The following WNT9B variants were observed in gnomAD, a reference collection of about 807,000 sequenced individuals.
WNT9B encodes the protein Wnt family member 9B.
A neutral mutation model predicts 30.2 loss-of-function variants in WNT9B; 12 were observed. The observed-to-expected ratio is 0.40, with a 90% confidence interval of 0.26 to 0.64. The LOEUF (loss-of-function observed/expected upper bound fraction) is 0.64, where lower values mean the gene tolerates loss of function less well. WNT9B is among the 30% of genes least tolerant of loss of function. WNT9B has a pLI of 0.42. For synonymous variants in WNT9B, 218 were observed against 216.9 expected, an observed-to-expected ratio of 1.01 and a Z score of -0.05; for missense variants, 442 against 485.2, an observed-to-expected ratio of 0.91 and a Z score of 0.84.
In WNT9B at chr17:46,878,367, A is replaced by G. The variant is rs2085377691; in HGVS notation, c.*1649A>G. On this transcript the variant is annotated 3_prime_UTR_variant, in exon 4 of 4. Coordinates refer to ENST00000290015, the MANE Select transcript of WNT9B (RefSeq NM_003396.3). ...AGGCCCGCTGACTGTGCCCTGGCCA[A>G]CTCCCTGAGACCTCCAAGGGCGAGG... is the stretch of plus-strand genomic sequence containing the variant. 6.6e-6 allele frequency among the ~76,000 whole-genome samples: 1 copy of G among 151,984 alleles called. No individual in the cohort carries two copies. Among genetic ancestry groups the G allele is most frequent in the Non-Finnish European group, 1.5e-5 (1 of 68,000 alleles).
chr17:46,884,248 C>G (rs982486665), downstream of WNT9B, among the ~76,000 whole-genome samples: 43 of 152,214 alleles, frequency 2.8e-4, no homozygotes, highest in Admixed American at 9.8e-4. Flanking sequence ...TCACCTGACG[C>G]TGACACATTT....
At chr17:46,835,179 T>A (rs541009968) in intron 1 of WNT9B, among the ~76,000 whole-genome samples, 2 of 152,130 alleles carry the variant, frequency 1.3e-5, no homozygotes, top group African/African-American at 4.8e-5. Context: ...TTATTTTTAG[T>A]AGACAGATGA....
At chr17:46,862,163 CAAAAAAAAA>C (rs111407961) in intron 1 of WNT9B, among the ~76,000 whole-genome samples, 1 of 80,336 alleles carries the variant, frequency 1.2e-5, no homozygotes, top group African/African-American at 3.5e-5. Flanking sequence ...AACTCCGTCT[CAAAAAAAAA>C]AAAAAAAGAA....
At chr17:46,880,741 G>T (rs1384465255), downstream of WNT9B, among the ~76,000 whole-genome samples, 1 of 152,110 alleles carries the variant, frequency 6.6e-6, no homozygotes, top group Non-Finnish European at 1.5e-5. Flanking sequence ...TCTGTACACT[G>T]GTATAGGTCG....
intron 1 of WNT9B, among the ~76,000 whole-genome samples, chr17:46,856,321 T>A (rs1418338928): frequency 1.3e-5 from 2 of 152,140 alleles, no homozygotes; most frequent in African/African-American, 2.4e-5. Flanking sequence ...CTGGCACATA[T>A]GTGCTAAGTG....
intron 1 of WNT9B, among the ~76,000 whole-genome samples, chr17:46,852,691 C>T (rs1019754020): frequency 2.0e-5 from 3 of 152,102 alleles, no homozygotes; most frequent in African/African-American, 7.2e-5. Flanking sequence ...TATGTACAGC[C>T]TGTTACTTTA....
At chr17:46,869,137 C>T (rs998174979) in intron 1 of WNT9B, among the ~76,000 whole-genome samples, 1 of 152,128 alleles carries the variant, frequency 6.6e-6, no homozygotes, top group African/African-American at 2.4e-5. Flanking sequence ...GACCAGGGCC[C>T]GGTGTGGCCT....
Position 46,876,926 on chromosome 17 carries a change from C to T in WNT9B, c.*208C>T. The stretch of plus-strand genomic sequence containing the variant: ...CAACAAAGAGAAGCAAAGCCTCCTC[C>T]CTTAACCCAAGCATCCCCAACCTTG... On this transcript the variant is annotated 3_prime_UTR_variant, in exon 4 of 4. Coordinates refer to ENST00000290015, the MANE Select transcript of WNT9B (RefSeq NM_003396.3). The T allele has an allele frequency of 7.4e-7, 1 of 1,345,010 alleles. No homozygotes were observed. 83.3% of individuals were successfully genotyped at this position (1,345,010 alleles called of 1,614,324 possible).
chr17:46,882,879 A>G (rs146036766), downstream of WNT9B, among the ~76,000 whole-genome samples: 9 of 152,236 alleles, frequency 5.9e-5, no homozygotes, highest in African/African-American at 1.9e-4. Flanking sequence ...CAGCACTCCA[A>G]TAGGTGGCTC....
chr17:46,880,533 C>T lies in WNT9B; in HGVS notation c.*3815C>T, dbSNP rs973957913. Among the ~76,000 whole-genome samples the T allele has an allele frequency of 1.3e-5, 2 of 152,196 alleles. No homozygotes were observed. Among genetic ancestry groups the T allele is most frequent in the Non-Finnish European group, 2.9e-5 (2 of 68,038 alleles). On this transcript the variant is annotated 3_prime_UTR_variant, in exon 4 of 4. Transcript: ENST00000290015. ...CCTAGTGGGTGAGAAAGACAATAAA[C>T]CAATAAATGACATGCCAGTTATTTG...
intron 1 of WNT9B, among the ~76,000 whole-genome samples, chr17:46,871,543 G>T (rs959747214): frequency 2.0e-5 from 3 of 152,162 alleles, no homozygotes; most frequent in Middle Eastern, 3.2e-3. Flanking sequence ...AGTTTGGGAA[G>T]CTCCAGCTAG....
intron 1 of WNT9B, among the ~76,000 whole-genome samples, chr17:46,842,941 C>T (rs972963833): frequency 3.9e-5 from 6 of 152,242 alleles, no homozygotes; most frequent in Admixed American, 2.0e-4. Context: ...ATGAAGAAAC[C>T]GAGGTCGCAG....
upstream of WNT9B, among the ~76,000 whole-genome samples, chr17:46,851,397 T>G (rs2084841578): frequency 3.7e-5 from 5 of 135,562 alleles, no homozygotes; most frequent in Non-Finnish European, 4.9e-5. This position sits in a 1 kb window ranked among gnomAD's most constrained non-coding sequence, Gnocchi z 4.3. Context: ...GGCGGGGCAA[T>G]GGGGGAGGGG....
At chr17:46,837,830 G>T (rs904179994) in intron 1 of WNT9B, among the ~76,000 whole-genome samples, 6 of 152,214 alleles carry the variant, frequency 3.9e-5, no homozygotes, top group African/African-American at 1.2e-4. Flanking sequence ...ACTGCAAAAG[G>T]TTACACCACA....
At chr17:46,870,547 C>T (rs1470054065) in intron 1 of WNT9B, among the ~76,000 whole-genome samples, 3 of 152,264 alleles carry the variant, frequency 2.0e-5, no homozygotes, top group African/African-American at 7.2e-5. Context: ...CCGATAGCAT[C>T]TGTCTCTGCT....
chr17:46,874,528 G>T (rs1010539696), intron 2 of WNT9B, among the ~76,000 whole-genome samples: 3 of 152,202 alleles, frequency 2.0e-5, no homozygotes, highest in African/African-American at 7.2e-5. Flanking sequence ...GGGAATCTGG[G>T]AACATACTCC....
At chr17:46,882,674 C>T (rs1031785128), downstream of WNT9B, among the ~76,000 whole-genome samples, 17 of 152,180 alleles carry the variant, frequency 1.1e-4, no homozygotes, top group African/African-American at 3.9e-4. Context: ...CTTTCCGATT[C>T]TTGACTTCGC....
chr17:46,876,750 C>A lies in WNT9B; in HGVS notation c.*32C>A. ...TGCCCAGCAAGCCAGTCTGGCACTG[C>A]CAGGACCTCCTGTGGCACCCTTCAA... On this transcript the variant is annotated 3_prime_UTR_variant, in exon 4 of 4. Transcript: ENST00000290015. The A allele has an allele frequency of 6.6e-7, 1 of 1,510,548 alleles. No homozygotes were observed. The highest frequency in any genetic ancestry group is 8.9e-7 in the Non-Finnish European group (1 of 1,126,966). 93.6% of individuals were successfully genotyped at this position (1,510,548 alleles called of 1,614,324 possible).
At chr17:46,857,750 C>T (rs1475222292) in intron 1 of WNT9B, among the ~76,000 whole-genome samples, 1 of 152,248 alleles carries the variant, frequency 6.6e-6, no homozygotes, top group East Asian at 1.9e-4. Context: ...TCAGTTTTAA[C>T]TTGTGGCTAT....
Sources: allele counts gnomAD v4.1 joint callset (sites outside exome capture counted in the v4.1 genomes callset), GRCh38; gene constraint gnomAD v4.1.1; non-coding constraint Gnocchi (gnomAD v3.1); transcripts MANE v1.5; gene names NCBI Gene and HGNC (gene_info 2026-07-23, HGNC 2026-07-21).